The following ANKRD30BL variants were observed in gnomAD, a reference collection of about 807,000 sequenced individuals.
ANKRD30BL encodes the protein ankyrin repeat domain 30B like.
In ANKRD30BL, 20 loss-of-function variants were observed where a neutral mutation model predicts 18.4. The ratio of observed to expected loss-of-function variants is 1.09; its 90% CI spans 0.77 to 1.58. ANKRD30BL has a LOEUF of 1.58. Among genes scored for constraint, ANKRD30BL ranks in the 40% most tolerant of loss-of-function variants. The probability of loss-of-function intolerance (pLI) is 0.00; values close to 1 mark genes in which losing one functional copy is unlikely to be tolerated. For missense variants in ANKRD30BL, 224 were observed against 268.6 expected (o/e 0.83, Z 1.16); for synonymous variants, 72 against 100.9 (o/e 0.71, Z 1.72).
At chr2:132,203,170 G>A (rs200324899) in intron 1 of ANKRD30BL, among the ~76,000 whole-genome samples, 3,404 of 128,858 alleles carry the variant, frequency 0.026, no homozygotes, top group African/African-American at 0.1. Context: ...CCAAGGGGTA[G>A]GTACTGGGTC....
intron 1 of ANKRD30BL, among the ~76,000 whole-genome samples, chr2:132,170,452 C>T (rs1033688543): frequency 1.3e-5 from 2 of 152,216 alleles, no homozygotes; most frequent in African/African-American, 2.4e-5. Context: ...CTTCCCGAGG[C>T]TCCACCTCAG....
chr2:132,228,592 T>G (rs59135315), intron 1 of ANKRD30BL, among the ~76,000 whole-genome samples: 5 of 146,850 alleles, frequency 3.4e-5, no homozygotes, highest in East Asian at 2.1e-4. Context: ...GGTGGAAAAG[T>G]AAATATTTTC....
intron 1 of ANKRD30BL, among the ~76,000 whole-genome samples, chr2:132,180,350 G>A (rs4305322): frequency 0.52 from 78,761 of 151,794 alleles, 20,657 homozygotes; most frequent in South Asian, 0.61. Context: ...GCAACAGGCT[G>A]CATATACTCT....
chr2:132,246,431 G>GA (rs1680502161), intron 1 of ANKRD30BL, among the ~76,000 whole-genome samples: 1 of 151,374 alleles, frequency 6.6e-6, no homozygotes, highest in Non-Finnish European at 1.5e-5. Context: ...GTGGATATTG[G>GA]ACACCATTGA....
intron 1 of ANKRD30BL, among the ~76,000 whole-genome samples, chr2:132,200,831 C>T (rs559513161): frequency 1.8e-4 from 28 of 152,136 alleles, no homozygotes; most frequent in Admixed American, 3.9e-4. Context: ...GAGCCCGCAT[C>T]GCCAAGTCAA....
At chr2:132,201,734 T>C (rs1378536445) in intron 1 of ANKRD30BL, among the ~76,000 whole-genome samples, 1 of 152,164 alleles carries the variant, frequency 6.6e-6, no homozygotes, top group African/African-American at 2.4e-5. Context: ...GTCAGTGTGG[T>C]GATTCCTCAG....
intron 4 of ANKRD30BL, chr2:132,152,367 C>T (rs1309330816): frequency 6.6e-6 from 1 of 152,154 alleles, no homozygotes; most frequent in Non-Finnish European, 1.5e-5. Flanking sequence ...TACTTTTATA[C>T]GTGAAGACTG....
In ANKRD30BL at chr2:132,191,077, C is replaced by T. The variant is rs190164130; in HGVS notation, n.442-33931G>A. ...AAGATATTGAAGCTGTCTATCACCT[C>T]AAAGGTTCTTTTGTACTCCTTACAA... On this transcript the variant is annotated intron_variant and non_coding_transcript_variant, in intron 1 of 4. Coordinates refer to the ANKRD30BL transcript ENST00000470729. 5.5e-4 allele frequency among the ~76,000 whole-genome samples: 84 copies of T among 152,304 alleles called. 1 individual carries two copies. In the Middle Eastern group the frequency reaches 0.014, roughly 25 times the overall value.
chr2:132,160,322 A>T (rs1341810456), intron 1 of ANKRD30BL, among the ~76,000 whole-genome samples: 1 of 150,802 alleles, frequency 6.6e-6, no homozygotes, highest in Non-Finnish European at 1.5e-5. Flanking sequence ...GCTAGTCTTG[A>T]AATCCTGACC....
chr2:132,155,177 C>G (rs1687868250), intron 3 of ANKRD30BL: 1 of 153,108 alleles, frequency 6.5e-6, no homozygotes, highest in South Asian at 2.1e-4. Context: ...GAATAATTAC[C>G]TTACCAGAAG....
At chr2:132,221,715 C>T (rs1394650445) in intron 1 of ANKRD30BL, among the ~76,000 whole-genome samples, 1 of 113,912 alleles carries the variant, frequency 8.8e-6, no homozygotes, top group Non-Finnish European at 1.7e-5. Context: ...CCCTGCCTGG[C>T]CAGCCGCCCC....
chr2:132,191,237 G>A (rs1315237873), intron 1 of ANKRD30BL, among the ~76,000 whole-genome samples: 1 of 152,188 alleles, frequency 6.6e-6, no homozygotes, highest in African/African-American at 2.4e-5. Flanking sequence ...GATCACCTAT[G>A]TTGCAAAATC....
At chr2:132,186,667 C>CA (rs1430381128) in intron 1 of ANKRD30BL, among the ~76,000 whole-genome samples, 17 of 152,174 alleles carry the variant, frequency 1.1e-4, no homozygotes, top group African/African-American at 4.1e-4. Context: ...TGGCATAACT[C>CA]AAAATAATTA....
chr2:132,222,449 A>C (rs1275307418), intron 1 of ANKRD30BL, among the ~76,000 whole-genome samples: 1 of 152,064 alleles, frequency 6.6e-6, no homozygotes, highest in African/African-American at 2.4e-5. Flanking sequence ...GTCTGTGTGG[A>C]TAGAAGTAGA....
intron 1 of ANKRD30BL, among the ~76,000 whole-genome samples, chr2:132,229,174 C>G (rs1407529491): frequency 6.6e-6 from 1 of 152,048 alleles, no homozygotes; most frequent in Non-Finnish European, 1.5e-5. Context: ...ATTCAACCCC[C>G]AGATTTGACC....
chr2:132,167,392 T>C (rs1688208493), intron 1 of ANKRD30BL, among the ~76,000 whole-genome samples: 1 of 151,634 alleles, frequency 6.6e-6, no homozygotes, highest in Non-Finnish European at 1.5e-5. Flanking sequence ...AGTGGTAGTC[T>C]TGGCACAATG....
At chr2:132,255,322 T>C (rs1680799596) in intron 1 of ANKRD30BL, among the ~76,000 whole-genome samples, 1 of 151,938 alleles carries the variant, frequency 6.6e-6, no homozygotes, top group Non-Finnish European at 1.5e-5. Flanking sequence ...ACCAACAAAA[T>C]AGAACTGTGG....
chr2:132,248,234 T>C (rs1680553869), intron 1 of ANKRD30BL, among the ~76,000 whole-genome samples: 1 of 152,134 alleles, frequency 6.6e-6, no homozygotes, highest in Non-Finnish European at 1.5e-5. Flanking sequence ...CACAAAGACG[T>C]TTCTCAGAAT....
chr2:132,242,758 G>A (rs1446019386), intron 1 of ANKRD30BL, among the ~76,000 whole-genome samples: 1 of 151,682 alleles, frequency 6.6e-6, no homozygotes, highest in East Asian at 1.9e-4. Flanking sequence ...TCTTTTTGAT[G>A]TGTGTACTCA....
Sources: gnomAD v4.1 joint callset for allele counts (sites outside exome capture counted in the v4.1 genomes callset) on GRCh38, gnomAD v4.1.1 for gene constraint, MANE v1.5 for transcripts, NCBI Gene and HGNC (gene_info 2026-07-23, HGNC 2026-07-21) for gene names.